The following CCDC197 variants were observed in gnomAD, a reference collection of about 807,000 sequenced individuals.
CCDC197 encodes coiled-coil domain containing 197.
In CCDC197, 24 loss-of-function variants were observed where a neutral mutation model predicts 13.4. The ratio of observed to expected loss-of-function variants is 1.80; its 90% CI spans 1.30 to 2.53. The LOEUF (loss-of-function observed/expected upper bound fraction) is 2.53, where lower values mean the gene tolerates loss of function less well. Ranked by LOEUF, CCDC197 falls within the 30% of genes most tolerant of loss-of-function variation. CCDC197 has a pLI of 0.00. For missense variants in CCDC197, 255 were observed against 148.8 expected (o/e 1.71, Z -3.71); for synonymous variants, 99 against 55.5 (o/e 1.78, Z -3.48).
At chr14:93,995,325 C>T (rs146884467), upstream of CCDC197, among the ~76,000 whole-genome samples, 137 of 152,304 alleles carry the variant, frequency 9.0e-4, no homozygotes, top group Middle Eastern at 3.4e-3. Flanking sequence ...CCAGGCATCA[C>T]GGTGGCCAGG....
upstream of CCDC197, among the ~76,000 whole-genome samples, chr14:93,996,932 A>T (rs1890331583): frequency 6.6e-6 from 1 of 152,206 alleles, no homozygotes; most frequent in South Asian, 2.1e-4. Flanking sequence ...GTCCTGAGCC[A>T]TGGGTGGGGC....
chr14:93,987,684 T>C (rs1350171118), intron 1 of CCDC197, among the ~76,000 whole-genome samples: 1 of 152,142 alleles, frequency 6.6e-6, no homozygotes, highest in Non-Finnish European at 1.5e-5. Flanking sequence ...TCCTCACCTG[T>C]GACGCAGGAG....
upstream of CCDC197, among the ~76,000 whole-genome samples, chr14:93,996,479 C>G (rs1567041273): frequency 6.6e-6 from 1 of 150,830 alleles, no homozygotes; most frequent in Non-Finnish European, 1.5e-5. Context: ...CGTGCCCCAA[C>G]TCCAGCCACA....
rs1424205084 is a variant in CCDC197 at position 94,008,806 on chromosome 14, G to A, written c.813G>A (p.Leu271=). The A allele has an allele frequency of 1.4e-6, 1 of 699,916 alleles. No homozygotes were observed. Among genetic ancestry groups the A allele is most frequent in the South Asian group, 1.5e-5 (1 of 67,546 alleles). 43.4% of individuals were successfully genotyped at this position (699,916 alleles called of 1,614,324 possible). A position where few individuals can be genotyped will look rare whatever the true frequency, so the allele number is the denominator to read the frequency against. The stretch of plus-strand genomic sequence containing the variant: ...CCCATGCTTCAGAGTGCTCCGGCCT[G>A]TACTGACCAGCCTGCGCCTTGCAGG... ...PSPHASECSG[L]Y The change falls in exon 7 of 7, where the codon CTG becomes CTA. Residue 271 remains leucine, a synonymous_variant. Transcript: ENST00000636493.
intron 2 of CCDC197, among the ~76,000 whole-genome samples, chr14:93,998,526 C>T (rs963189616): frequency 6.6e-6 from 1 of 152,216 alleles, no homozygotes; most frequent in Non-Finnish European, 1.5e-5. Flanking sequence ...CCGTCTGCAC[C>T]TGTCCACTCG....
chr14:94,000,092 T>G (rs1240357850), intron 3 of CCDC197, among the ~76,000 whole-genome samples: 1 of 152,176 alleles, frequency 6.6e-6, no homozygotes, highest in Non-Finnish European at 1.5e-5. Context: ...TATAAGGACA[T>G]CTGAGATGAG....
In CCDC197 at chr14:94,004,858, C is replaced by T. The variant is rs1361456948; in HGVS notation, c.502C>T (p.Gln168Ter). 6 of 702,806 alleles carry T rather than the reference C, an allele frequency of 8.5e-6. No individual in the cohort carries two copies. In the South Asian group the frequency reaches 8.9e-5, roughly 10 times the overall value. The allele number at this position is 702,806 out of a possible 1,614,324, so 43.5% of individuals were successfully genotyped here. A position where few individuals can be genotyped will look rare whatever the true frequency, so the allele number is the denominator to read the frequency against. ...CTCCTCCTTCTCTTTCCTGCAGGAT[C>T]AGCTGCTCGGCTACATGCAAATGAC... ...DTHTSSSYND[Q>*]LLGYMQMTIT... Residue 168 changes from glutamine (Q) to a stop codon, truncating the protein, a stop_gained, in exon 6 of 7, where the codon CAG (glutamine) becomes TAG (stop). Coordinates refer to ENST00000636493, the MANE Select transcript of CCDC197 (RefSeq NM_001351596.2). LOFTEE classifies it high-confidence loss of function.
downstream of CCDC197, among the ~76,000 whole-genome samples, chr14:94,010,714 GGTGGCTGGGGGACCAC>G (rs1890794318): frequency 6.6e-6 from 1 of 152,214 alleles, no homozygotes; most frequent in African/African-American, 2.4e-5. Context: ...AGTCTGAGAA[GGTGGCTGGGGGACCAC>G]GTGGGGCCCC....
rs139448583 is a variant in CCDC197, at chr14:94,008,821, C to A, written c.*9C>A. On this transcript the variant is annotated 3_prime_UTR_variant, in exon 7 of 7. Coordinates refer to ENST00000636493, the MANE Select transcript of CCDC197 (RefSeq NM_001351596.2). ...GCTCCGGCCTGTACTGACCAGCCTG[C>A]GCCTTGCAGGCCCCATGGCATCACG... is the stretch of plus-strand genomic sequence containing the variant. 3 of 693,458 alleles carry A rather than the reference C, an allele frequency of 4.3e-6. No homozygotes were observed. The highest frequency in any genetic ancestry group is 2.0e-5 in the Admixed American group (1 of 49,674). The allele number at this position is 693,458 out of a possible 1,614,324, so 43.0% of individuals were successfully genotyped here.
upstream of CCDC197, among the ~76,000 whole-genome samples, chr14:93,996,111 C>T (rs1472930086): frequency 1.3e-5 from 2 of 152,318 alleles, no homozygotes; most frequent in East Asian, 3.9e-4. Flanking sequence ...ACTCCCCCAC[C>T]CCTCCTTGAA....
At chr14:93,988,225 A>AG (rs1250794298) in intron 1 of CCDC197, among the ~76,000 whole-genome samples, 1 of 63,312 alleles carries the variant, frequency 1.6e-5, no homozygotes, top group Admixed American at 2.1e-4. Flanking sequence ...GGGATGAGAG[A>AG]GGGGATAAGA....
chr14:94,003,310 C>G lies in CCDC197; in HGVS notation c.454C>G (p.Gln152Glu). The G allele has an allele frequency of 2.6e-6, 2 of 777,888 alleles. No homozygotes were observed. Among genetic ancestry groups the G allele is most frequent in the Non-Finnish European group, 4.8e-6 (2 of 416,446 alleles). The allele number at this position is 777,888 out of a possible 1,614,324, so 48.2% of individuals were successfully genotyped here. A position where few individuals can be genotyped will look rare whatever the true frequency, so the allele number is the denominator to read the frequency against. The change falls in exon 5 of 7, where the codon CAG becomes GAG. Residue 152 changes from glutamine (Q) to glutamate (E), a missense_variant. By Grantham distance (29) the Gln-to-Glu change is conservative (BLOSUM62 2). Transcript: ENST00000636493. This position sits in a 1 kb window ranked among gnomAD's most constrained non-coding sequence, Gnocchi z 5.0. The stretch of plus-strand genomic sequence containing the variant: ...GCAGCTGAAGCACAGCATCACTTAC[C>G]AGAAGGACATTGACTTTGACACACA... ...WWQLKHSITY[Q>E]KDIDFDTHTS...
At chr14:94,009,780 C>G (rs1355513879), downstream of CCDC197, among the ~76,000 whole-genome samples, 1 of 152,158 alleles carries the variant, frequency 6.6e-6, no homozygotes, top group Non-Finnish European at 1.5e-5. Flanking sequence ...CCACTCCAGT[C>G]TGACATTCTA....
At chr14:93,999,515 G>C in intron 2 of CCDC197, 68 bp from the exon 3 acceptor site, 2 of 772,218 alleles carry the variant, frequency 2.6e-6, no homozygotes, top group Non-Finnish European at 4.8e-6. Context: ...GGTGGTCCAG[G>C]TTCATTCACA....
chr14:94,010,023 TG>T (rs1890782304), downstream of CCDC197, among the ~76,000 whole-genome samples: 1 of 150,170 alleles, frequency 6.7e-6, no homozygotes, highest in Non-Finnish European at 1.5e-5. Flanking sequence ...AAAGAAAAGA[TG>T]CTGACTGTCA....
At chr14:93,991,696 T>C (rs979019475) in intron 1 of CCDC197, among the ~76,000 whole-genome samples, 2 of 152,070 alleles carry the variant, frequency 1.3e-5, no homozygotes, top group East Asian at 3.9e-4. Flanking sequence ...GGTGAGGTCA[T>C]CAAGGGTAAG....
chr14:94,003,233 T>C lies in CCDC197; in HGVS notation c.377T>C (p.Ile126Thr), dbSNP rs139438616. ...TTCCCTCTGCCCCAGAGCCTCAAGA[T>C]CCGGCTGTGTCAGCTGCAGAAGAAG... is the stretch of plus-strand genomic sequence containing the variant. ...DHRALMLSLK[I>T]RLCQLQKKCY... Residue 126 changes from isoleucine (I) to threonine (T), a missense_variant, in exon 5 of 7, where the codon ATC becomes ACC. Ile to Thr is a moderately conservative substitution (Grantham distance 89). Transcript: ENST00000636493. The surrounding 1 kb of genome is among the most constrained non-coding windows in gnomAD (Gnocchi z 5.0). 9.9e-4 allele frequency: 771 copies of C among 780,610 alleles called. 4 individuals are homozygous for C. In the African/African-American group the frequency reaches 0.011, roughly 11 times the overall value. The allele number at this position is 780,610 out of a possible 1,614,324, so 48.4% of individuals were successfully genotyped here.
At chr14:94,006,579 A>C (rs775659389) in intron 6 of CCDC197, among the ~76,000 whole-genome samples, 1 of 151,356 alleles carries the variant, frequency 6.6e-6, no homozygotes, top group Non-Finnish European at 1.5e-5. Context: ...CTGGTCTCGA[A>C]CTCCTGACCT....
At chr14:94,004,472 T>TCTA (rs1890624182) in intron 5 of CCDC197, among the ~76,000 whole-genome samples, 1 of 152,022 alleles carries the variant, frequency 6.6e-6, no homozygotes, top group Non-Finnish European at 1.5e-5. Flanking sequence ...TGGGTCACAG[T>TCTA]CTACAGAGCC....
Sources: gnomAD v4.1 joint callset for allele counts (sites outside exome capture counted in the v4.1 genomes callset) on GRCh38, gnomAD v4.1.1 for gene constraint, Gnocchi (gnomAD v3.1) non-coding constraint, MANE v1.5 for transcripts, NCBI Gene and HGNC (gene_info 2026-07-23, HGNC 2026-07-21) for gene names.